Variants in CFAP47 observed in about 807,000 individuals in gnomAD.
CFAP47 encodes cilia- and flagella-associated protein 47.
In CFAP47, 29 loss-of-function variants were observed where a neutral mutation model predicts 148.1. The observed-to-expected ratio is 0.20, with a 90% CI of 0.15 to 0.27. The LOEUF (loss-of-function observed/expected upper bound fraction) is 0.27. Among genes scored for constraint, CFAP47 ranks in the 10% least tolerant of loss-of-function variants. CFAP47 has a pLI of 1.00. For missense variants in CFAP47, 1,872 were observed against 1,697.5 expected, an observed-to-expected ratio of 1.10 and a Z score of -1.81; for synonymous variants, 664 against 577.3, an observed-to-expected ratio of 1.15 and a Z score of -2.15.
chrX:36,176,943 A>G (rs1939690841), intron 39 of CFAP47, among the ~76,000 whole-genome samples: 3 of 112,166 alleles, frequency 2.7e-5, no homozygotes, highest in African/African-American at 9.7e-5. Context: ...TGGGCAAACT[A>G]TATTAAAAGC....
At chrX:36,333,546 G>A (rs1941581504) in intron 57 of CFAP47, among the ~76,000 whole-genome samples, 1 of 111,134 alleles carries the variant, frequency 9.0e-6, no homozygotes, top group Non-Finnish European at 1.9e-5. Flanking sequence ...AGCCATCAAA[G>A]AAAATGTCTC....
Position 36,379,347 on chromosome X carries a change from C to T in CFAP47, c.9186-3C>T. 1 of 1,165,143 alleles carries T rather than the reference C, an allele frequency of 8.6e-7. No homozygotes were observed. Among genetic ancestry groups the T allele is most frequent in the Non-Finnish European group, 1.1e-6 (1 of 871,364 alleles). Reference sequence around the variant, plus strand: ...TAAGTTGAATTTTGTACTTTTGTTCCAGAAATCCTGAGCCGTTCACCGCAC... The same window carrying T: ...TAAGTTGAATTTTGTACTTTTGTTCTAGAAATCCTGAGCCGTTCACCGCAC... On this transcript the variant is annotated splice_region_variant and splice_polypyrimidine_tract_variant and intron_variant, in intron 62 of 63. Transcript: ENST00000378653.
intron 8 of CFAP47, among the ~76,000 whole-genome samples, chrX:35,959,535 G>A (rs905746782): frequency 8.1e-5 from 9 of 111,673 alleles, no homozygotes; most frequent in South Asian, 7.4e-4. Context: ...TTGGTCGGGC[G>A]CGGTGGCTCA....
At chrX:36,359,129 CGAT>C (rs1260407732) in intron 60 of CFAP47, among the ~76,000 whole-genome samples, 1 of 111,791 alleles carries the variant, frequency 8.9e-6, no homozygotes, top group Non-Finnish European at 1.9e-5. Context: ...ATATAAATAA[CGAT>C]AAGAAAAACA....
chrX:35,987,920 G>A (rs1569225786), intron 15 of CFAP47, among the ~76,000 whole-genome samples: 1 of 111,229 alleles, frequency 9.0e-6, no homozygotes, highest in South Asian at 3.8e-4. Flanking sequence ...GCTTCGGCTT[G>A]CCTTCTGTGG....
intron 60 of CFAP47, among the ~76,000 whole-genome samples, chrX:36,356,706 AAGAAT>A (rs1229628641): frequency 4.5e-5 from 5 of 111,513 alleles, no homozygotes; most frequent in African/African-American, 1.6e-4. Flanking sequence ...TCAGCACATT[AAGAAT>A]AGGAGTCATG....
chrX:36,251,414 G>C lies in CFAP47; in HGVS notation c.7414G>C (p.Val2472Leu), dbSNP rs1940690728. The C allele has an allele frequency of 7.9e-6, 4 of 505,463 alleles. No homozygotes were observed. Among genetic ancestry groups the C allele is most frequent in the Non-Finnish European group, 1.1e-5 (3 of 282,249 alleles). The allele number at this position is 505,463 out of a possible 1,213,427, so 41.7% of individuals were successfully genotyped here. A position where few individuals can be genotyped will look rare whatever the true frequency, so the allele number is the denominator to read the frequency against. Residue 2472 changes from valine to leucine, a missense_variant, in exon 49 of 64, where the codon GTG becomes CTG. Transcript: ENST00000378653. ...TAAAGAAATTCTGTACCTGATTCAT[G>C]TGCGCCCTTGGAAACGTGGTATATT... is the stretch of plus-strand genomic sequence containing the variant. ...PYKEILYLIH[V>L]RPWKRGILKG...
At chrX:35,989,146 T>C (rs761960507) in intron 15 of CFAP47, among the ~76,000 whole-genome samples, 173 bp from the exon 16 acceptor site, 48 of 112,420 alleles carry the variant, frequency 4.3e-4, no homozygotes, top group Non-Finnish European at 7.5e-4. Flanking sequence ...ACCCTATAGG[T>C]CAATACTCAT....
At position 36,228,712 on chromosome X, in the gene CFAP47, G is replaced by C; in HGVS notation, c.6902G>C (p.Arg2301Thr). ...CCTTGTAAAATTTTATTGAAATCAA[G>C]GTATGATGTGCGTGCCTATTATGTT... ...RYPCKILLKS[R>T]YDVRAYYVEG... Residue 2301 changes from arginine (R) to threonine (T), a missense_variant, in exon 46 of 64, where the codon AGG (arginine) becomes ACG (threonine). Coordinates refer to ENST00000378653, the MANE Select transcript of CFAP47 (RefSeq NM_001304548.2). The C allele has an allele frequency of 1.9e-6, 1 of 525,023 alleles. No homozygotes were observed. The highest frequency in any genetic ancestry group is 3.5e-6 in the Non-Finnish European group (1 of 286,356). 43.3% of individuals were successfully genotyped at this position (525,023 alleles called of 1,213,427 possible).
At chrX:36,139,322 T>G (rs7064193) in intron 35 of CFAP47, among the ~76,000 whole-genome samples, 10,905 of 110,896 alleles carry the variant, frequency 0.098, 1,061 homozygotes, top group African/African-American at 0.3. Flanking sequence ...AATGTAGAGT[T>G]TGAAAAAGTG....
In CFAP47 at chrX:36,353,594, T is replaced by A. The variant is rs182221576; in HGVS notation, c.8764T>A (p.Phe2922Ile). The change falls in exon 60 of 64, where the codon TTT (phenylalanine) becomes ATT (isoleucine). Residue 2922 changes from phenylalanine to isoleucine, a missense_variant. By Grantham distance (21) the Phe-to-Ile change is conservative (BLOSUM62 0). Coordinates refer to ENST00000378653, the MANE Select transcript of CFAP47 (RefSeq NM_001304548.2). ...EKVEIILNAG[F>I]FGFSLTPDLT... ...GGTAGAAATCATACTGAATGCTGGT[T>A]TTTTCGGATTTAGTCTTACTCCAGA... The A allele has an allele frequency of 8.6e-7, 1 of 1,162,198 alleles. No homozygotes were observed. The highest frequency in any genetic ancestry group is 1.2e-6 in the Non-Finnish European group (1 of 868,363).
chrX:36,038,302 C>G (rs1419164374), intron 24 of CFAP47, among the ~76,000 whole-genome samples: 1 of 112,001 alleles, frequency 8.9e-6, no homozygotes, highest in Non-Finnish European at 1.9e-5. Flanking sequence ...CACTGGGTCA[C>G]TCTTTTCTCT....
At chrX:36,321,923 A>G (rs180991231) in intron 57 of CFAP47, among the ~76,000 whole-genome samples, 1 of 111,398 alleles carries the variant, frequency 9.0e-6, no homozygotes, top group Admixed American at 9.6e-5. Flanking sequence ...CACATTTTGA[A>G]ATCAATTGAA....
intron 19 of CFAP47, among the ~76,000 whole-genome samples, chrX:35,998,873 A>G (rs1936879918): frequency 1.8e-5 from 2 of 111,359 alleles, no homozygotes; most frequent in Non-Finnish European, 3.8e-5. Context: ...CTCATCCTAA[A>G]GTCATTTTGG....
At chrX:36,200,643 G>T (rs1939970048) in intron 43 of CFAP47, 150 bp downstream of exon 43, 2 of 277,155 alleles carry the variant, frequency 7.2e-6, no homozygotes, top group Admixed American at 6.4e-5. Context: ...CAGTATCCAT[G>T]AAATAGAGCA....
At chrX:35,959,189 A>T (rs539697231) in intron 8 of CFAP47, among the ~76,000 whole-genome samples, 1 of 112,157 alleles carries the variant, frequency 8.9e-6, no homozygotes, top group Admixed American at 9.4e-5. Flanking sequence ...CCAAAATAGA[A>T]AACTAATAGA....
intron 36 of CFAP47, among the ~76,000 whole-genome samples, chrX:36,147,009 C>T (rs1388172181): frequency 1.8e-5 from 2 of 110,628 alleles, no homozygotes; most frequent in East Asian, 5.7e-4. Flanking sequence ...TCTTGAACTC[C>T]TGACCTCAGG....
chrX:36,090,468 C>G (rs1938164411), intron 30 of CFAP47, among the ~76,000 whole-genome samples: 1 of 111,644 alleles, frequency 9.0e-6, no homozygotes, highest in African/African-American at 3.3e-5. Flanking sequence ...TTTGGCACAG[C>G]TCCCAGTAGT....
intron 22 of CFAP47, among the ~76,000 whole-genome samples, chrX:36,025,931 A>G (rs1056649330): frequency 2.7e-5 from 3 of 111,768 alleles, no homozygotes; most frequent in African/African-American, 9.8e-5. Flanking sequence ...TGTTAAATTT[A>G]TGGAAAATCT....
Sources: allele counts gnomAD v4.1 joint callset (sites outside exome capture counted in the v4.1 genomes callset), GRCh38; gene constraint gnomAD v4.1.1; transcripts MANE v1.5; gene names NCBI Gene and HGNC (gene_info 2026-07-23, HGNC 2026-07-21).